ZNF141: variants seen among roughly 807,000 people sequenced by gnomAD.
ZNF141 encodes the protein zinc finger protein 141 (clone pHZ-44).
ZNF141 carries 7 observed loss-of-function variants against 11.3 expected under a neutral mutation model. The ratio of observed to expected loss-of-function variants is 0.62; its 90% CI spans 0.35 to 1.16. The LOEUF (loss-of-function observed/expected upper bound fraction) is 1.16, where lower values mean the gene tolerates loss of function less well. ZNF141 is among the 50% of genes most tolerant of loss of function. The pLI, the probability that ZNF141 is intolerant of heterozygous loss-of-function variation, is 0.02. For synonymous variants in ZNF141, 183 were observed against 190.7 expected (o/e 0.96, Z 0.33); for missense variants, 535 against 554.0 (o/e 0.97, Z 0.34).
intron 3 of ZNF141, among the ~76,000 whole-genome samples, chr4:360,328 T>A (rs1337398131): frequency 6.6e-6 from 1 of 152,258 alleles, no homozygotes; most frequent in Admixed American, 6.5e-5. Flanking sequence ...GTACTCAGAT[T>A]TACACATTGT....
chr4:353,910 A>G (rs781941536), intron 3 of ZNF141, among the ~76,000 whole-genome samples: 6 of 152,216 alleles, frequency 3.9e-5, no homozygotes, highest in Non-Finnish European at 8.8e-5. Flanking sequence ...ATTTCTGCTC[A>G]TTCACACACA....
chr4:372,712 A>G lies in ZNF141; in HGVS notation c.275A>G (p.Glu92Gly). The G allele has an allele frequency of 6.2e-7, 1 of 1,606,430 alleles. No individual in the cohort carries two copies. The highest frequency in any genetic ancestry group is 8.5e-7 in the Non-Finnish European group (1 of 1,175,848). ...GACCATTGGCCAGTGCAGGGCATAG[A>G]AGATTCATTCCACAAACTTATACTG... ...TQDHWPVQGI[E>G]DSFHKLILRR... The change falls in exon 4 of 4, where the codon GAA (glutamate) becomes GGA (glycine). Residue 92 changes from glutamate to glycine, a missense_variant. Glu to Gly is a moderately conservative substitution (Grantham distance 98). Transcript: ENST00000240499.
intron 3 of ZNF141, among the ~76,000 whole-genome samples, chr4:363,203 C>T (rs1028870522): frequency 4.6e-5 from 7 of 152,094 alleles, no homozygotes; most frequent in African/African-American, 7.2e-5. Flanking sequence ...TAGGAATGCT[C>T]GTGATTTTTG....
chr4:381,763 T>G lies in ZNF141; in HGVS notation c.*7901T>G, dbSNP rs1553855704. ...CAGCCATCTGGGAAGAAAGGAGACT[T>G]TTTACAACAGAGAATACCCCTATTA... is the stretch of plus-strand genomic sequence containing the variant. On this transcript the variant is annotated 3_prime_UTR_variant, in exon 4 of 4. Transcript: ENST00000240499. Among the ~76,000 whole-genome samples the G allele has an allele frequency of 6.6e-6, 1 of 151,786 alleles. No homozygotes were observed. Among genetic ancestry groups the G allele is most frequent in the African/African-American group, 2.4e-5 (1 of 41,264 alleles).
At chr4:358,221 CTT>C (rs1721939987) in intron 3 of ZNF141, 2 of 317,270 alleles carry the variant, frequency 6.3e-6, no homozygotes, top group African/African-American at 5.5e-5. Flanking sequence ...GAGTTTCGCT[CTT>C]GTCACCCAGA....
At chr4:351,223 G>A (rs1317440693) in intron 3 of ZNF141, among the ~76,000 whole-genome samples, 1 of 150,302 alleles carries the variant, frequency 6.7e-6, no homozygotes, top group Non-Finnish European at 1.5e-5. Flanking sequence ...TCAGAACTAT[G>A]AGCCAGTTAA....
At chr4:348,530 T>C (rs782223486) in intron 3 of ZNF141, among the ~76,000 whole-genome samples, 2 of 152,070 alleles carry the variant, frequency 1.3e-5, no homozygotes, top group Admixed American at 1.3e-4. Flanking sequence ...CTGGCCAATA[T>C]GGTGAAACCC....
chr4:350,133 G>C (rs782778682), intron 3 of ZNF141: 1 of 534,164 alleles, frequency 1.9e-6, no homozygotes, highest in South Asian at 1.4e-5. Flanking sequence ...GAATTTGAGA[G>C]AGGTTACAGA....
At position 381,332 on chromosome 4, in the gene ZNF141, G is replaced by A. The variant is rs1457100460; in HGVS notation, c.*7470G>A. On this transcript the variant is annotated 3_prime_UTR_variant, in exon 4 of 4. Coordinates refer to ENST00000240499, the MANE Select transcript of ZNF141 (RefSeq NM_003441.4). ...CTCAGCCGAGCAGTCAGAACTCACAGCTCTGACCAAACCCCTAGAACTAAG... is the reference window on the plus strand; with the variant it reads ...CTCAGCCGAGCAGTCAGAACTCACAACTCTGACCAAACCCCTAGAACTAAG... Among the ~76,000 whole-genome samples, 3 of 149,558 alleles carry A rather than the reference G, an allele frequency of 2.0e-5. No individual in the cohort carries two copies. The highest frequency in any genetic ancestry group is 3.0e-5 in the Non-Finnish European group (2 of 67,792).
intron 1 of ZNF141, chr4:342,732 C>T: frequency 2.4e-6 from 3 of 1,245,722 alleles, no homozygotes; most frequent in Non-Finnish European, 3.5e-6. Context: ...GTCCATTGTT[C>T]TGGGTGAAAA....
At chr4:349,910 A>C (rs1294533708) in intron 3 of ZNF141, among the ~76,000 whole-genome samples, 5 of 152,184 alleles carry the variant, frequency 3.3e-5, no homozygotes, top group Admixed American at 3.3e-4. Flanking sequence ...TCTACTGACA[A>C]CCTGGGAACA....
chr4:346,329 A>AT (rs1721316473), intron 3 of ZNF141, among the ~76,000 whole-genome samples: 2 of 152,192 alleles, frequency 1.3e-5, no homozygotes, highest in Non-Finnish European at 2.9e-5. Context: ...GATTTTTCTG[A>AT]TAAATAAAAA....
intron 3 of ZNF141, among the ~76,000 whole-genome samples, chr4:345,831 C>G (rs2108686528): frequency 6.6e-6 from 1 of 151,888 alleles, no homozygotes; most frequent in Middle Eastern, 3.4e-3. Flanking sequence ...TTGGAAACCA[C>G]TGGATTAAAG....
At chr4:369,751 TATATA>T (rs1560196727) in intron 3 of ZNF141, among the ~76,000 whole-genome samples, 1 of 42,852 alleles carries the variant, frequency 2.3e-5, no homozygotes, top group African/African-American at 8.9e-5. Flanking sequence ...TATATATATA[TATATA>T]TATATATATT....
In ZNF141 at chr4:383,404, C is replaced by T. The variant is rs2108664825; in HGVS notation, c.*9542C>T. The T allele has an allele frequency of 7.4e-6, 3 of 408,010 alleles. No individual in the cohort carries two copies. Among genetic ancestry groups the T allele is most frequent in the Non-Finnish European group, 1.3e-5 (3 of 231,604 alleles). 25.3% of individuals were successfully genotyped at this position (408,010 alleles called of 1,614,324 possible). On this transcript the variant is annotated 3_prime_UTR_variant, in exon 4 of 4. Coordinates refer to ENST00000240499, the MANE Select transcript of ZNF141 (RefSeq NM_003441.4). ...TCAGGACAGATTGATCACAAATAACCTGCAAATGCTTGCCACCCTGTAAGT... is the reference window on the plus strand; with the variant it reads ...TCAGGACAGATTGATCACAAATAACTTGCAAATGCTTGCCACCCTGTAAGT...
At chr4:350,897 G>A (rs990505420) in intron 3 of ZNF141, among the ~76,000 whole-genome samples, 7 of 151,504 alleles carry the variant, frequency 4.6e-5, no homozygotes, top group South Asian at 2.1e-4. Flanking sequence ...TTGCCACCAT[G>A]CCCGGCTAAT....
At chr4:360,971 A>G (rs1243049332) in intron 3 of ZNF141, among the ~76,000 whole-genome samples, 3 of 152,138 alleles carry the variant, frequency 2.0e-5, no homozygotes, top group Non-Finnish European at 2.9e-5. Flanking sequence ...TAAATTTACC[A>G]TCTATTTATT....
In ZNF141 at chr4:381,616, G is replaced by T. The variant is rs1581637601; in HGVS notation, c.*7754G>T. On this transcript the variant is annotated 3_prime_UTR_variant, in exon 4 of 4. Transcript: ENST00000240499. ...GTAGAGACGGGGTTTCACCATGTTG[G>T]CCAGGCTGGTCTCAAACTCCTGACC... Among the ~76,000 whole-genome samples, 4 of 151,956 alleles carry T rather than the reference G, an allele frequency of 2.6e-5. No homozygotes were observed. Among genetic ancestry groups the T allele is most frequent in the Admixed American group, 2.6e-4 (4 of 15,238 alleles).
Position 373,358 on chromosome 4 carries a change from A to T in ZNF141, c.921A>T (p.Gly307=). 6.2e-7 allele frequency: 1 copy of T among 1,614,016 alleles called. No homozygotes were observed. ...CCAAACATAAGCGAATTCATACTGG[A>T]GAGAAACCCTACAAATGTGAAGAAT... ...NFAKHKRIHT[G]EKPYKCEECG... is the part of the protein sequence containing the mutation. The change falls in exon 4 of 4, where the codon GGA becomes GGT. Residue 307 remains glycine, a synonymous_variant. Transcript: ENST00000240499.
Sources: gnomAD v4.1 joint callset for allele counts (sites outside exome capture counted in the v4.1 genomes callset) on GRCh38, gnomAD v4.1.1 for gene constraint, MANE v1.5 for transcripts, NCBI Gene and HGNC (gene_info 2026-07-23, HGNC 2026-07-21) for gene names.